The following OR5V1 variants were observed in gnomAD, a reference collection of about 807,000 sequenced individuals.
OR5V1 encodes the protein olfactory receptor family 5 subfamily V member 1, also known as olfactory receptor 5V1.
For synonymous variants in OR5V1, 134 were observed against 143.2 expected (o/e 0.94, Z 0.46); for missense variants, 365 against 371.5 (o/e 0.98, Z 0.14).
At chr6:29,362,084 G>A (rs1402573136) in intron 1 of OR5V1, among the ~76,000 whole-genome samples, 1 of 151,942 alleles carries the variant, frequency 6.6e-6, no homozygotes, top group African/African-American at 2.4e-5. Flanking sequence ...CAAAGGGACA[G>A]AGAAATATTT....
intron 1 of OR5V1, among the ~76,000 whole-genome samples, chr6:29,358,979 G>A (rs976499592): frequency 6.6e-6 from 1 of 152,114 alleles, no homozygotes; most frequent in Admixed American, 6.5e-5. Context: ...TATGTGAGGT[G>A]GCAGATATGT....
chr6:29,356,751 T>A (rs1778331025), intron 1 of OR5V1, among the ~76,000 whole-genome samples: 1 of 152,154 alleles, frequency 6.6e-6, no homozygotes, highest in South Asian at 2.1e-4. Context: ...TCTTTAGTAG[T>A]CACCAGAGAA....
rs1434671314 is a variant in OR5V1, at chr6:29,355,909, C to A, written c.287G>T (p.Gly96Val). Residue 96 changes from glycine (G) to valine (V), a missense_variant, in exon 2 of 2, where the codon GGG becomes GTG. Transcript: ENST00000641768. ...LSKKKSISYV[G>V]CVVQLFAFVF... ...AAATGCAAAAAGTTGAACCACACAC[C>A]CCACATAAGAAATGCTTTTTTTCTT... 6.2e-7 allele frequency: 1 copy of A among 1,613,908 alleles called. No individual in the cohort carries two copies. Among genetic ancestry groups the A allele is most frequent in the African/African-American group, 1.3e-5 (1 of 74,916 alleles).
In OR5V1 at chr6:29,355,670, A is replaced by G. The variant is rs563440438; in HGVS notation, c.526T>C (p.Tyr176His). ...LPFCGNNQIN[Y>H]FFCDIPPLLI... ...AAAGGGGGGATGTCACAGAAGAAGT[A>G]ATTAATCTGATTGTTGCCACAGAAG... The change falls in exon 2 of 2, where the codon TAC becomes CAC. Residue 176 changes from tyrosine (Y) to histidine (H), a missense_variant. Physicochemically the swap from Tyr to His is moderately conservative, Grantham distance 83. Transcript: ENST00000641768. The G allele has an allele frequency of 8.1e-6, 13 of 1,614,054 alleles. No individual in the cohort carries two copies. In the African/African-American group the frequency reaches 1.3e-4, roughly 17 times the overall value.
intron 1 of OR5V1, among the ~76,000 whole-genome samples, chr6:29,358,779 G>A (rs1778433521): frequency 6.6e-6 from 1 of 152,158 alleles, no homozygotes; most frequent in Non-Finnish European, 1.5e-5. Flanking sequence ...ATAGAATGGT[G>A]GTTACCAGAG....
Position 29,356,083 on chromosome 6 carries a change from G to T in OR5V1, c.113C>A (p.Thr38Asn), listed in dbSNP as rs1322996334. Residue 38 changes from threonine (T) to asparagine (N), a missense_variant, in exon 2 of 2, where the codon ACT (threonine) becomes AAT (asparagine). Thr to Asn is a moderately conservative substitution (Grantham distance 65). Coordinates refer to ENST00000641768, the MANE Select transcript of OR5V1 (RefSeq NM_030876.6). ...FTIFFLTYFC[T>N]LGGNILIILT... Reference sequence around the variant, plus strand: ...GATAATTAATATATTTCCTCCCAAAGTACAGAAATAAGTCAGAAAGAAGAT... The same window carrying T: ...GATAATTAATATATTTCCTCCCAAATTACAGAAATAAGTCAGAAAGAAGAT... 1.2e-6 allele frequency: 2 copies of T among 1,613,798 alleles called. No homozygotes were observed. The highest frequency in any genetic ancestry group is 2.7e-5 in the African/African-American group (2 of 74,888).
chr6:29,359,701 G>A (rs1337431417), intron 1 of OR5V1, among the ~76,000 whole-genome samples: 3 of 152,174 alleles, frequency 2.0e-5, no homozygotes, highest in Admixed American at 2.0e-4. Context: ...AGTGCAAGGA[G>A]CTTCCCCAGC....
rs1191701314 is a variant in OR5V1 at position 29,363,107 on chromosome 6, T to C, written c.-83+5525A>G. ...ATCAAATAGACACAATAAAAAATGGTAAAGGAGTTATCACCACTGATCCCA... is the reference window on the plus strand; with the variant it reads ...ATCAAATAGACACAATAAAAAATGGCAAAGGAGTTATCACCACTGATCCCA... On this transcript the variant is annotated intron_variant, in intron 1 of 1. Transcript: ENST00000641768. Among the ~76,000 whole-genome samples, 8 of 152,010 alleles carry C rather than the reference T, an allele frequency of 5.3e-5. No individual in the cohort carries two copies. In the East Asian group the frequency reaches 1.5e-3, roughly 29 times the overall value.
In OR5V1 at chr6:29,356,270, A is replaced by G. The variant is rs562166783; in HGVS notation, c.-75T>C. ...ATAAAAATGAATCATATGCTGCAAT[A>G]GCATGACCTGAAAAATAAGGGAAAA... On this transcript the variant is annotated 5_prime_UTR_variant, in exon 2 of 2. Coordinates refer to ENST00000641768, the MANE Select transcript of OR5V1 (RefSeq NM_030876.6). The G allele has an allele frequency of 4.8e-6, 7 of 1,468,226 alleles. No individual in the cohort carries two copies. The African/African-American group carries it at 5.6e-5, about 12-fold the overall frequency. The allele number at this position is 1,468,226 out of a possible 1,614,324, so 90.9% of individuals were successfully genotyped here. A position where few individuals can be genotyped will look rare whatever the true frequency, so the allele number is the denominator to read the frequency against.
intron 1 of OR5V1, among the ~76,000 whole-genome samples, chr6:29,360,422 A>C (rs1362076578): frequency 6.6e-6 from 1 of 152,190 alleles, no homozygotes; most frequent in Non-Finnish European, 1.5e-5. Flanking sequence ...CACAGCGCTC[A>C]AGCTCTGCTA....
rs1778984674 is a variant in OR5V1 at position 29,368,843 on chromosome 6, T to C, written c.-294A>G. 1 of 152,030 alleles carries C rather than the reference T, an allele frequency of 6.6e-6. No individual in the cohort carries two copies. The highest frequency in any genetic ancestry group is 1.5e-5 in the Non-Finnish European group (1 of 67,992). The allele number at this position is 152,030 out of a possible 1,614,324, so 9.4% of individuals were successfully genotyped here. A position where few individuals can be genotyped will look rare whatever the true frequency, so the allele number is the denominator to read the frequency against. On this transcript the variant is annotated 5_prime_UTR_variant, in exon 1 of 2. Transcript: ENST00000641768. Reference sequence around the variant, plus strand: ...ATGGGACTGGAGTGAGTAAGGAAAATGCCCTTTGGATTAAGAAGATCCCCA... The same window carrying C: ...ATGGGACTGGAGTGAGTAAGGAAAACGCCCTTTGGATTAAGAAGATCCCCA...
intron 1 of OR5V1, among the ~76,000 whole-genome samples, chr6:29,361,328 G>A (rs1477328302): frequency 6.6e-6 from 1 of 152,094 alleles, no homozygotes; most frequent in Non-Finnish European, 1.5e-5. Context: ...AAAGTAACAT[G>A]GAGAATGAGA....
intron 1 of OR5V1, among the ~76,000 whole-genome samples, chr6:29,357,967 G>A (rs1336864812): frequency 6.6e-6 from 1 of 152,114 alleles, no homozygotes; most frequent in Non-Finnish European, 1.5e-5. Context: ...TTTATCGATT[G>A]CCCTCACCTA....
chr6:29,367,068 A>G (rs1358387926), intron 1 of OR5V1, among the ~76,000 whole-genome samples: 1 of 152,142 alleles, frequency 6.6e-6, no homozygotes, highest in Non-Finnish European at 1.5e-5. Context: ...ACAATAATGT[A>G]TTACTCCTCT....
intron 1 of OR5V1, among the ~76,000 whole-genome samples, chr6:29,362,573 T>C (rs940853859): frequency 6.6e-6 from 1 of 152,140 alleles, no homozygotes; most frequent in Non-Finnish European, 1.5e-5. Flanking sequence ...AGAATGGAAA[T>C]CAAAACAAAC....
rs1430743221 is a variant in OR5V1, at chr6:29,358,143, A to C, written c.-82-1866T>G. ...TAGTATTTCACATTACCACAACTGAATAAATTCACTGGGACAATTTTCATT... is the reference window on the plus strand; with the variant it reads ...TAGTATTTCACATTACCACAACTGACTAAATTCACTGGGACAATTTTCATT... On this transcript the variant is annotated intron_variant, in intron 1 of 1. Coordinates refer to ENST00000641768, the MANE Select transcript of OR5V1 (RefSeq NM_030876.6). Among the ~76,000 whole-genome samples the C allele has an allele frequency of 2.0e-5, 3 of 152,158 alleles. 1 individual carries two copies. The highest frequency in any genetic ancestry group is 4.4e-5 in the Non-Finnish European group (3 of 67,982).
intron 1 of OR5V1, among the ~76,000 whole-genome samples, chr6:29,363,510 A>T (rs1326631708): frequency 6.6e-6 from 1 of 152,204 alleles, no homozygotes; most frequent in Non-Finnish European, 1.5e-5. Context: ...AGAAAATTTC[A>T]GTCCAATATC....
rs1443993215 is a variant in OR5V1, at chr6:29,355,884, A to C, written c.312T>G (p.Phe104Leu). 2 of 1,613,930 alleles carry C rather than the reference A, an allele frequency of 1.2e-6. No individual in the cohort carries two copies. The highest frequency in any genetic ancestry group is 2.7e-5 in the African/African-American group (2 of 74,908). Residue 104 changes from phenylalanine to leucine, a missense_variant, in exon 2 of 2, where the codon TTT becomes TTG. By Grantham distance (22) the Phe-to-Leu change is conservative. Transcript: ENST00000641768. ...YVGCVVQLFA[F>L]VFFVGSECLL... Reference sequence around the variant, plus strand: ...GACACTCTGATCCTACAAAGAAAACAAATGCAAAAAGTTGAACCACACACC... The same window carrying C: ...GACACTCTGATCCTACAAAGAAAACCAATGCAAAAAGTTGAACCACACACC...
intron 1 of OR5V1, among the ~76,000 whole-genome samples, chr6:29,358,428 C>T (rs1397860713): frequency 6.6e-6 from 1 of 152,156 alleles, no homozygotes; most frequent in Non-Finnish European, 1.5e-5. Context: ...AAAAATGCAA[C>T]TACTATGTGA....
Sources: gnomAD v4.1 joint callset for allele counts (sites outside exome capture counted in the v4.1 genomes callset) on GRCh38, gnomAD v4.1.1 for gene constraint, MANE v1.5 for transcripts, NCBI Gene and HGNC (gene_info 2026-07-23, HGNC 2026-07-21) for gene names.